WDR27: variants seen among roughly 807,000 people sequenced by gnomAD.
WDR27 encodes WD repeat domain 27.
WDR27 carries 100 observed loss-of-function variants against 114.4 expected under a neutral mutation model. That is an observed-to-expected ratio of 0.87 (90% confidence interval 0.74 to 1.03). The LOEUF (loss-of-function observed/expected upper bound fraction) is 1.03, where lower values mean the gene tolerates loss of function less well. Among genes scored for constraint, WDR27 ranks in the 50% least tolerant of loss-of-function variants. The pLI is 0.00. For missense variants in WDR27, 1,129 were observed against 1,092.9 expected (o/e 1.03, Z -0.47); for synonymous variants, 449 against 423.1 (o/e 1.06, Z -0.75).
At chr6:169,636,010 T>C (rs1817589739) in intron 19 of WDR27, among the ~76,000 whole-genome samples, 1 of 152,228 alleles carries the variant, frequency 6.6e-6, no homozygotes, top group Non-Finnish European at 1.5e-5. Context: ...TAAGAAGATA[T>C]TTATTATTCC....
the WDR27 span, among the ~76,000 whole-genome samples, chr6:169,445,262 C>A: frequency 6.6e-6 from 1 of 152,154 alleles, no homozygotes; most frequent in Non-Finnish European, 1.5e-5. Flanking sequence ...AAATTTAGAG[C>A]CCTGCCTACT....
chr6:169,614,497 G>A lies in WDR27; in HGVS notation c.2224-841C>T, dbSNP rs118172379. Among the ~76,000 whole-genome samples the A allele has an allele frequency of 9.4e-3, 1,428 of 152,178 alleles. 11 individuals are homozygous for A. The highest frequency in any genetic ancestry group is 0.013 in the Non-Finnish European group (875 of 68,004). Reference sequence around the variant, plus strand: ...GGTCAGGAAAATGTGAGACCAACCTGGCCAACATGGTGAAATCCCGTCTCT... The same window carrying A: ...GGTCAGGAAAATGTGAGACCAACCTAGCCAACATGGTGAAATCCCGTCTCT... On this transcript the variant is annotated intron_variant, in intron 21 of 25. Coordinates refer to ENST00000448612, the MANE Select transcript of WDR27 (RefSeq NM_182552.5).
At chr6:169,464,906 T>C (rs1265275480) in intron 25 of WDR27, among the ~76,000 whole-genome samples, 1 of 152,098 alleles carries the variant, frequency 6.6e-6, no homozygotes, top group Non-Finnish European at 1.5e-5. Flanking sequence ...GCAGATCACC[T>C]GAGGTCAGGA....
chr6:169,560,591 T>C lies in WDR27; in HGVS notation c.2645+11828A>G, dbSNP rs115336084. On this transcript the variant is annotated intron_variant, in intron 25 of 25. Coordinates refer to ENST00000448612, the MANE Select transcript of WDR27 (RefSeq NM_182552.5). Reference sequence around the variant, plus strand: ...GGGCCAGGGCCTTGTGGCTCTGAATTTGAAGATGGGCTTGATGCTGGCCCT... The same window carrying C: ...GGGCCAGGGCCTTGTGGCTCTGAATCTGAAGATGGGCTTGATGCTGGCCCT... 4.1e-3 allele frequency among the ~76,000 whole-genome samples: 629 copies of C among 152,278 alleles called. 4 individuals carry two copies. Among genetic ancestry groups the C allele is most frequent in the African/African-American group, 0.014 (599 of 41,564 alleles).
intron 14 of WDR27, among the ~76,000 whole-genome samples, chr6:169,651,178 C>CGG (rs200606067): frequency 1.5e-3 from 5 of 3,400 alleles, no homozygotes; most frequent in South Asian, 7.0e-3. Flanking sequence ...CACAGCAGTG[C>CGG]GGGGCGGGGG....
chr6:169,581,077 G>A (rs1464178679), intron 24 of WDR27, among the ~76,000 whole-genome samples: 1 of 151,682 alleles, frequency 6.6e-6, no homozygotes, highest in Non-Finnish European at 1.5e-5. Flanking sequence ...AGGAAGCAAG[G>A]TTCATGACAA....
At chr6:169,588,248 G>A (rs1381688218) in intron 23 of WDR27, among the ~76,000 whole-genome samples, 1 of 152,206 alleles carries the variant, frequency 6.6e-6, no homozygotes, top group Non-Finnish European at 1.5e-5. Flanking sequence ...AGTTTATGAA[G>A]TGATGATTTC....
rs537491560 is a variant in WDR27 at position 169,595,289 on chromosome 6, A to G, written c.2424+6930T>C. 4.6e-5 allele frequency among the ~76,000 whole-genome samples: 7 copies of G among 152,334 alleles called. No individual in the cohort carries two copies. The East Asian group carries it at 1.2e-3, about 25-fold the overall frequency. On this transcript the variant is annotated intron_variant, in intron 23 of 25. Transcript: ENST00000448612. ...GTTTACGGTTTATTTTATTTGTCCT[A>G]TCTAGATAGTTCTTTGGGCACTTAA...
intron 25 of WDR27, among the ~76,000 whole-genome samples, chr6:169,523,339 A>C (rs182355703): frequency 9.5e-4 from 145 of 152,248 alleles, no homozygotes; most frequent in Non-Finnish European, 1.6e-3. Flanking sequence ...TGTTGACTTC[A>C]CTGCTGAATT....
downstream of WDR27, among the ~76,000 whole-genome samples, chr6:169,452,262 C>T (rs1784180513): frequency 6.6e-6 from 1 of 152,252 alleles, no homozygotes; most frequent in African/African-American, 2.4e-5. Context: ...GGAACGAACC[C>T]AGACTCCTCA....
chr6:169,590,210 T>C (rs1805472740), intron 23 of WDR27, among the ~76,000 whole-genome samples: 1 of 152,206 alleles, frequency 6.6e-6, no homozygotes, highest in Admixed American at 6.5e-5. Context: ...TAACGTGACC[T>C]TCATTTCCCT....
intron 25 of WDR27, among the ~76,000 whole-genome samples, chr6:169,492,347 T>C (rs1789879872): frequency 6.6e-6 from 1 of 151,958 alleles, no homozygotes; most frequent in African/African-American, 2.4e-5. Flanking sequence ...CTTAAAAATA[T>C]AAAAAATCAG....
At chr6:169,500,815 T>A (rs1224718799) in intron 25 of WDR27, among the ~76,000 whole-genome samples, 1 of 152,318 alleles carries the variant, frequency 6.6e-6, no homozygotes, top group African/African-American at 2.4e-5. Context: ...TGACTTTGAC[T>A]GGAAACCTAA....
chr6:169,427,635 C>T, the WDR27 span, among the ~76,000 whole-genome samples: 1 of 152,102 alleles, frequency 6.6e-6, no homozygotes, highest in Non-Finnish European at 1.5e-5. Context: ...TCTGCTGCTT[C>T]TTCTGATCCC....
intron 3 of WDR27, 47 bp from the exon 4 acceptor site, chr6:169,670,740 C>A: frequency 6.2e-7 from 1 of 1,607,892 alleles, no homozygotes; most frequent in Non-Finnish European, 8.5e-7. Context: ...ATGCATTCAG[C>A]ATTACATTAA....
chr6:169,450,968 G>A, the WDR27 span, among the ~76,000 whole-genome samples: 1 of 152,260 alleles, frequency 6.6e-6, no homozygotes, highest in East Asian at 1.9e-4. Flanking sequence ...ACTAAACAAA[G>A]GGGAAAGTCA....
At chr6:169,606,109 G>A (rs577398044) in intron 22 of WDR27, among the ~76,000 whole-genome samples, 2 of 152,140 alleles carry the variant, frequency 1.3e-5, no homozygotes, top group Admixed American at 1.3e-4. Flanking sequence ...AGACAAATAT[G>A]ACTTAATTAA....
At chr6:169,426,537 TAAAAGA>T in the WDR27 span, 1 of 152,056 alleles carries the variant, frequency 6.6e-6, no homozygotes, top group Admixed American at 6.5e-5. Context: ...TCTGAGCTAT[TAAAAGA>T]AAAAAGCTGG....
In WDR27 at chr6:169,507,225, T is replaced by C. The variant is rs527526676; in HGVS notation, c.2646-49591A>G. Reference sequence around the variant, plus strand: ...ATGTGGACATGTGGCATCTATAAGCTGCCTTTTTTCCCCCTTTCCTGTCCT... The same window carrying C: ...ATGTGGACATGTGGCATCTATAAGCCGCCTTTTTTCCCCCTTTCCTGTCCT... On this transcript the variant is annotated intron_variant, in intron 25 of 25. Transcript: ENST00000448612. Among the ~76,000 whole-genome samples, 159 of 152,360 alleles carry C rather than the reference T, an allele frequency of 1.0e-3. 2 individuals are homozygous for C. The highest frequency in any genetic ancestry group is 3.4e-3 in the Middle Eastern group (1 of 294).
Sources: gnomAD v4.1 joint callset for allele counts (sites outside exome capture counted in the v4.1 genomes callset) on GRCh38, gnomAD v4.1.1 for gene constraint, MANE v1.5 for transcripts, NCBI Gene and HGNC (gene_info 2026-07-23, HGNC 2026-07-21) for gene names.